Variants in ZNF14 observed in about 807,000 individuals in gnomAD.
The protein encoded by ZNF14 is zinc finger protein 14.
In ZNF14, 9 loss-of-function variants were observed where a neutral mutation model predicts 11.3. The observed-to-expected ratio is 0.80, with a 90% CI of 0.48 to 1.39. ZNF14 has a LOEUF of 1.39. Ranked by LOEUF, ZNF14 falls within the 40% of genes most tolerant of loss-of-function variation. The probability of loss-of-function intolerance (pLI) is 0.00; values close to 1 mark genes in which losing one functional copy is unlikely to be tolerated. For missense variants in ZNF14, 711 were observed against 763.9 expected, an observed-to-expected ratio of 0.93 and a Z score of 0.82; for synonymous variants, 239 against 245.7, an observed-to-expected ratio of 0.97 and a Z score of 0.25.
rs2062363777 is a variant in ZNF14 at position 19,712,329 on chromosome 19, A to G, written c.952T>C (p.Tyr318His). 1 of 1,613,950 alleles carries G rather than the reference A, an allele frequency of 6.2e-7. No homozygotes were observed. The highest frequency in any genetic ancestry group is 2.2e-5 in the East Asian group (1 of 44,862). The change falls in exon 4 of 4, where the codon TAT (tyrosine) becomes CAT (histidine). Residue 318 changes from tyrosine to histidine, a missense_variant. By Grantham distance (83) the Tyr-to-His change is moderately conservative. Transcript: ENST00000344099. Reference sequence around the variant, plus strand: ...ACATGTGCTCGAAAGCTTGCAGAATAAAAGAAGGCTTTTCCACATTCTTTA... The same window carrying G: ...ACATGTGCTCGAAAGCTTGCAGAATGAAAGAAGGCTTTTCCACATTCTTTA... ...ECKECGKAFF[Y>H]SASFRAHVII...
chr19:19,714,306 A>C, intron 2 of ZNF14, 55 bp downstream of exon 2: 1 of 1,608,330 alleles, frequency 6.2e-7, no homozygotes, highest in Non-Finnish European at 8.5e-7. Flanking sequence ...TTGAGCAAGA[A>C]ACACTTGTTC....
chr19:19,726,148 G>A (rs1027405437), intron 1 of ZNF14, among the ~76,000 whole-genome samples: 1 of 134,640 alleles, frequency 7.4e-6, no homozygotes, highest in Non-Finnish European at 1.7e-5. Flanking sequence ...CATTCCTTTG[G>A]AGGAGAAGAG....
intron 1 of ZNF14, among the ~76,000 whole-genome samples, chr19:19,717,755 A>G (rs1386854539): frequency 6.6e-6 from 1 of 152,202 alleles, no homozygotes; most frequent in African/African-American, 2.4e-5. Context: ...AGGCTCACTA[A>G]AAGACTGAGA....
intron 1 of ZNF14, among the ~76,000 whole-genome samples, chr19:19,729,137 CAG>C (rs1307524346): frequency 6.6e-6 from 1 of 151,844 alleles, no homozygotes; most frequent in South Asian, 2.1e-4. Flanking sequence ...CCACCACACC[CAG>C]CTAATTTTTG....
At chr19:19,732,529 T>C (rs953456114) in intron 1 of ZNF14, among the ~76,000 whole-genome samples, 1 of 152,218 alleles carries the variant, frequency 6.6e-6, no homozygotes, top group African/African-American at 2.4e-5. Flanking sequence ...CACAGGAACC[T>C]GACCCCGGCA....
At position 19,732,970 on chromosome 19, in the gene ZNF14, C is replaced by T. The variant is rs758287339; in HGVS notation, c.-12G>A. 1.1e-5 allele frequency: 18 copies of T among 1,613,324 alleles called. No homozygotes were observed. Among genetic ancestry groups the T allele is most frequent in the Admixed American group, 3.3e-5 (2 of 59,936 alleles). ...CGCACACTCACCATTTCCCAGCGTC[C>T]GGGAAGTCACGGTGTCCTCCCTACG... On this transcript the variant is annotated 5_prime_UTR_variant, in exon 1 of 4. Coordinates refer to ENST00000344099, the MANE Select transcript of ZNF14 (RefSeq NM_021030.3).
chr19:19,711,954 C>T lies in ZNF14; in HGVS notation c.1327G>A (p.Ala443Thr). 1 of 1,614,060 alleles carries T rather than the reference C, an allele frequency of 6.2e-7. No individual in the cohort carries two copies. The highest frequency in any genetic ancestry group is 1.3e-5 in the African/African-American group (1 of 75,020). Residue 443 changes from alanine (A) to threonine (T), a missense_variant, in exon 4 of 4, where the codon GCA becomes ACA. Physicochemically the swap from Ala to Thr is moderately conservative, Grantham distance 58. Coordinates refer to ENST00000344099, the MANE Select transcript of ZNF14 (RefSeq NM_021030.3). Reference protein sequence around the residue: ...SLQRHERTHNAEKPYECKQCG... With the variant: ...SLQRHERTHNTEKPYECKQCG... Reference sequence around the variant, plus strand: ...TGTTTACATTCATAGGGTTTCTCTGCATTGTGAGTCCTTTCATGTCTTTGA... The same window carrying T: ...TGTTTACATTCATAGGGTTTCTCTGTATTGTGAGTCCTTTCATGTCTTTGA...
rs1396779759 is a variant in ZNF14, at chr19:19,727,806, A to T, written c.3+5150T>A. Among the ~76,000 whole-genome samples, 9 of 133,788 alleles carry T rather than the reference A, an allele frequency of 6.7e-5. 4 individuals are homozygous for T. In the South Asian group the frequency reaches 2.2e-3, roughly 33 times the overall value. 87.8% of individuals were successfully genotyped at this position (133,788 alleles called of 152,430 possible). On this transcript the variant is annotated intron_variant, in intron 1 of 3. Coordinates refer to ENST00000344099, the MANE Select transcript of ZNF14 (RefSeq NM_021030.3). Reference sequence around the variant, plus strand: ...AAGACCACATAAATGCGACTCAACCAATGTATGTAGCTATAATCAAGCATT... The same window carrying T: ...AAGACCACATAAATGCGACTCAACCTATGTATGTAGCTATAATCAAGCATT...
In ZNF14 at chr19:19,720,949, T is replaced by A. The variant is rs1216181931; in HGVS notation, c.4-6462A>T. Among the ~76,000 whole-genome samples, 47 of 140,926 alleles carry A rather than the reference T, an allele frequency of 3.3e-4. No homozygotes were observed. The highest frequency in any genetic ancestry group is 1.1e-3 in the African/African-American group (45 of 40,032). The allele number at this position is 140,926 out of a possible 152,430, so 92.5% of individuals were successfully genotyped here. A position where few individuals can be genotyped will look rare whatever the true frequency, so the allele number is the denominator to read the frequency against. On this transcript the variant is annotated intron_variant, in intron 1 of 3. Transcript: ENST00000344099. The surrounding 1 kb of genome is among the most constrained non-coding windows in gnomAD (Gnocchi z 4.1). Reference sequence around the variant, plus strand: ...CATTCATAAGAACAACCTCCTACTCTTACTTTATTTATTTATTGATTTTTT... The same window carrying A: ...CATTCATAAGAACAACCTCCTACTCATACTTTATTTATTTATTGATTTTTT...
chr19:19,712,666 G>A lies in ZNF14; in HGVS notation c.615C>T (p.Thr205=), dbSNP rs962728126. 3 of 1,613,612 alleles carry A rather than the reference G, an allele frequency of 1.9e-6. No individual in the cohort carries two copies. The African/African-American group carries it at 4.0e-5, about 22-fold the overall frequency. Residue 205 remains threonine (T), a synonymous_variant, in exon 4 of 4, where the codon ACC becomes ACT. Transcript: ENST00000344099. ...TTTGAAAAGACTGGTAATATATAAA[G>A]GTTTTTCCACATTGCTTACATTCAT... ...KPYECKQCGK[T]FIYYQSFQKH... is the part of the protein sequence containing the mutation.
In ZNF14 at chr19:19,712,667, GT is replaced by G. The variant is rs1306708977; in HGVS notation, c.613del (p.Thr205ProfsTer122). 1.2e-6 allele frequency: 2 copies of G among 1,613,920 alleles called. No homozygotes were observed. Among genetic ancestry groups the G allele is most frequent in the South Asian group, 2.2e-5 (2 of 91,038 alleles). On this transcript the variant is annotated frameshift_variant, in exon 4 of 4. Coordinates refer to ENST00000344099, the MANE Select transcript of ZNF14 (RefSeq NM_021030.3). LOFTEE classifies it low-confidence loss of function (END_TRUNC). ...TTGAAAAGACTGGTAATATATAAAG[GT>G]TTTTCCACATTGCTTACATTCATAG... is the stretch of plus-strand genomic sequence containing the variant. ...KPYECKQCGK[T>X]FIYYQSFQKH...
chr19:19,711,574 A>G lies in ZNF14; in HGVS notation c.1707T>C (p.Ile569=), dbSNP rs2062360092. 2 of 1,613,664 alleles carry G rather than the reference A, an allele frequency of 1.2e-6. No individual in the cohort carries two copies. The highest frequency in any genetic ancestry group is 2.7e-5 in the African/African-American group (2 of 74,882). ...CATGCATTCGAAATTTACTGGAAGAAATGAAGGCTTTTCCACATTGTTTAC... is the reference window on the plus strand; with the variant it reads ...CATGCATTCGAAATTTACTGGAAGAGATGAAGGCTTTTCCACATTGTTTAC... The part of the protein sequence containing the change: ...YQCKQCGKAF[I]SSSKFRMHER... Residue 569 remains isoleucine, a synonymous_variant, in exon 4 of 4, where the codon ATT becomes ATC. Coordinates refer to ENST00000344099, the MANE Select transcript of ZNF14 (RefSeq NM_021030.3).
At position 19,712,495 on chromosome 19, in the gene ZNF14, A is replaced by C; in HGVS notation, c.786T>G (p.Cys262Trp). 6.4e-7 allele frequency: 1 copy of C among 1,559,840 alleles called. No individual in the cohort carries two copies. The highest frequency in any genetic ancestry group is 1.2e-5 in the South Asian group (1 of 86,194). ...ECKQCGKAFS[C>W]PTYFRTHERT... Reference sequence around the variant, plus strand: ...TTTCATGAGTTCGAAAGTATGTGGGACAACTGAAAGCCTTACCACATTGCT... The same window carrying C: ...TTTCATGAGTTCGAAAGTATGTGGGCCAACTGAAAGCCTTACCACATTGCT... Residue 262 changes from cysteine to tryptophan, a missense_variant, in exon 4 of 4, where the codon TGT (cysteine) becomes TGG (tryptophan). Transcript: ENST00000344099.
At chr19:19,714,272 ATTTC>A (rs2062371228) in intron 2 of ZNF14, 85 bp downstream of exon 2, 1 of 1,599,034 alleles carries the variant, frequency 6.3e-7, no homozygotes, top group Admixed American at 1.7e-5. Context: ...CCCTTTCCAC[ATTTC>A]AAATCTTGGA....
At chr19:19,730,826 C>A (rs888277691) in intron 1 of ZNF14, among the ~76,000 whole-genome samples, 1 of 152,098 alleles carries the variant, frequency 6.6e-6, no homozygotes, top group Non-Finnish European at 1.5e-5. Flanking sequence ...GAAGGAGAAT[C>A]GCTTGAACCT....
chr19:19,718,189 T>A (rs972906050), intron 1 of ZNF14, among the ~76,000 whole-genome samples: 1 of 152,208 alleles, frequency 6.6e-6, no homozygotes, highest in Admixed American at 6.5e-5. Context: ...AGAAGAGATG[T>A]TGGAATTGTC....
rs535952341 is a variant in ZNF14 at position 19,726,353 on chromosome 19, CT to C, written c.3+6602del. 1.0e-4 allele frequency among the ~76,000 whole-genome samples: 14 copies of C among 134,554 alleles called. 3 individuals carry two copies. The highest frequency in any genetic ancestry group is 3.8e-4 in the African/African-American group (14 of 36,510). The allele number at this position is 134,554 out of a possible 152,430, so 88.3% of individuals were successfully genotyped here. On this transcript the variant is annotated intron_variant, in intron 1 of 3. Coordinates refer to ENST00000344099, the MANE Select transcript of ZNF14 (RefSeq NM_021030.3). The stretch of plus-strand genomic sequence containing the variant: ...TTGGTTGGAGTTTGCTGGAGGTCCA[CT>C]CCAGACCATTTGCCTGGATATCACC...
At chr19:19,729,802 A>T (rs1173552023) in intron 1 of ZNF14, among the ~76,000 whole-genome samples, 1 of 152,144 alleles carries the variant, frequency 6.6e-6, no homozygotes, top group African/African-American at 2.4e-5. Context: ...ATATGCTTCC[A>T]CCTTAACATA....
rs554912252 is a variant in ZNF14 at position 19,710,981 on chromosome 19, G to A, written c.*371C>T. On this transcript the variant is annotated 3_prime_UTR_variant, in exon 4 of 4. Transcript: ENST00000344099. ...GATGGGGTTACACCATGTTGACCAC[G>A]CTGGTCTCGAATTTCTGACCTCAAA... The A allele has an allele frequency of 5.7e-4, 102 of 180,336 alleles. No homozygotes were observed. The highest frequency in any genetic ancestry group is 9.8e-4 in the Non-Finnish European group (84 of 85,368). 11.2% of individuals were successfully genotyped at this position (180,336 alleles called of 1,614,324 possible).
Sources: gnomAD v4.1 joint callset for allele counts (sites outside exome capture counted in the v4.1 genomes callset) on GRCh38, gnomAD v4.1.1 for gene constraint, Gnocchi (gnomAD v3.1) non-coding constraint, MANE v1.5 for transcripts, NCBI Gene and HGNC (gene_info 2026-07-23, HGNC 2026-07-21) for gene names.